The following THY1 variants were observed in gnomAD, a reference collection of about 807,000 sequenced individuals.
THY1 encodes thy-1 membrane glycoprotein.
A neutral mutation model predicts 14.9 loss-of-function variants in THY1; 10 were observed. The ratio of observed to expected loss-of-function variants is 0.67; its 90% CI spans 0.41 to 1.14. The LOEUF is 1.14. Ranked by LOEUF, THY1 falls within the 50% of genes most tolerant of loss-of-function variation. The pLI, the probability that THY1 is intolerant of heterozygous loss-of-function variation, is 0.00. For synonymous variants in THY1, 80 were observed against 90.0 expected, an observed-to-expected ratio of 0.89 and a Z score of 0.63; for missense variants, 159 against 202.1, an observed-to-expected ratio of 0.79 and a Z score of 1.29.
At chr11:119,419,541 C>A in intron 3 of THY1, 21 bp from the exon 4 acceptor site, 1 of 1,597,504 alleles carries the variant, frequency 6.3e-7, no homozygotes, top group South Asian at 1.1e-5. Flanking sequence ...AGAAGGGGGC[C>A]GGGGGCAGGG....
At chr11:119,424,234 T>C (rs1218876376), upstream of THY1, 1 of 152,220 alleles carries the variant, frequency 6.6e-6, no homozygotes, top group Non-Finnish European at 1.5e-5. Flanking sequence ...AACCCACCGA[T>C]TGGATGTCAC....
chr11:119,420,754 A>C (rs904651442), intron 2 of THY1, 115 bp downstream of exon 2: 5 of 1,320,590 alleles, frequency 3.8e-6, no homozygotes, highest in Admixed American at 2.0e-5. Flanking sequence ...TCAGGATGAA[A>C]AAGAGCCCTC....
chr11:119,420,816 G>A, intron 2 of THY1, 53 bp downstream of exon 2: 1 of 1,608,410 alleles, frequency 6.2e-7, no homozygotes, highest in Non-Finnish European at 8.5e-7. Context: ...TGCTTCTCTG[G>A]AGGGAAGGAA....
At position 119,422,921 on chromosome 11, in the gene THY1, T is replaced by C. The variant is rs1418397288; in HGVS notation, c.-25+192A>G. ...GCGCCTTCCCCGAAAGACATCAGGGTGCCACGCGGCCCCTGCCCTGCAGAA... is the reference window on the plus strand; with the variant it reads ...GCGCCTTCCCCGAAAGACATCAGGGCGCCACGCGGCCCCTGCCCTGCAGAA... On this transcript the variant is annotated intron_variant, in intron 1 of 3. Coordinates refer to ENST00000284240, the MANE Select transcript of THY1 (RefSeq NM_006288.5). The surrounding 1 kb of genome is among the most constrained non-coding windows in gnomAD (Gnocchi z 7.0). Among the ~76,000 whole-genome samples the C allele has an allele frequency of 6.6e-6, 1 of 152,140 alleles. No homozygotes were observed. The highest frequency in any genetic ancestry group is 2.4e-5 in the African/African-American group (1 of 41,438).
Position 119,420,519 on chromosome 11 carries a change from A to C in THY1, c.38-133T>G, listed in dbSNP as rs988529740. 14 of 851,158 alleles carry C rather than the reference A, an allele frequency of 1.6e-5. No individual in the cohort carries two copies. In the South Asian group the frequency reaches 2.2e-4, roughly 13 times the overall value. The allele number at this position is 851,158 out of a possible 1,614,324, so 52.7% of individuals were successfully genotyped here. A position where few individuals can be genotyped will look rare whatever the true frequency, so the allele number is the denominator to read the frequency against. On this transcript the variant is annotated intron_variant, in intron 2 of 3. Transcript: ENST00000284240. ...CTCTCTGAGTGCCTTTCCCCACCCCAGGGATCCCACTTCTCCTTTGCAGAC... is the reference window on the plus strand; with the variant it reads ...CTCTCTGAGTGCCTTTCCCCACCCCCGGGATCCCACTTCTCCTTTGCAGAC...
chr11:119,419,433 T>C lies in THY1; in HGVS notation c.461A>G (p.Gln154Arg). 3 of 1,613,786 alleles carry C rather than the reference T, an allele frequency of 1.9e-6. No homozygotes were observed. The highest frequency in any genetic ancestry group is 2.5e-6 in the Non-Finnish European group (3 of 1,179,942). ...LLLLLSLSLLQATDFMSL is the reference protein window; with the variant it reads ...LLLLLSLSLLRATDFMSL ...TCACAGGGACATGAAATCCGTGGCC[T>C]GGAGGAGGGAGAGGGAGAGCAGGAG... The change falls in exon 4 of 4, where the codon CAG becomes CGG. Residue 154 changes from glutamine to arginine, a missense_variant. Physicochemically the swap from Gln to Arg is conservative, Grantham distance 43. Coordinates refer to ENST00000284240, the MANE Select transcript of THY1 (RefSeq NM_006288.5).
chr11:119,420,109 T>G lies in THY1; in HGVS notation c.315A>C (p.Ala105=). ...GTGGGGAATGGCCAGAGTGGTGGAG[T>G]GCACACGTGTAGGTGCCCTCGTCCT... ...TSKDEGTYTC[A]LHHSGHSPPI... The change falls in exon 3 of 4, where the codon GCA becomes GCC. Residue 105 remains alanine (A), a synonymous_variant. Coordinates refer to ENST00000284240, the MANE Select transcript of THY1 (RefSeq NM_006288.5). 2 of 1,614,138 alleles carry G rather than the reference T, an allele frequency of 1.2e-6. No individual in the cohort carries two copies. Among genetic ancestry groups the G allele is most frequent in the Non-Finnish European group, 1.7e-6 (2 of 1,180,014 alleles).
chr11:119,423,704 C>G (rs79525057), upstream of THY1: 189 of 167,326 alleles, frequency 1.1e-3, no homozygotes, highest in African/African-American at 3.4e-3. Flanking sequence ...CCTTCGGAAG[C>G]GAGGCAGGTG....
intron 3 of THY1, 45 bp downstream of exon 3, chr11:119,420,006 C>A: frequency 1.3e-6 from 2 of 1,572,470 alleles, no homozygotes; most frequent in Non-Finnish European, 1.7e-6. Flanking sequence ...TGTCCCCGAG[C>A]CTGGCTCTCC....
rs1353475601 is a variant in THY1 at position 119,416,524 on chromosome 11, G to A, written c.*2884C>T. On this transcript the variant is annotated 3_prime_UTR_variant, in exon 4 of 4. Transcript: ENST00000284240. ...GAGTCTCACTCTATCTCCCAGGCTG[G>A]AGTGCAGTGGTGCAATCTTGGCTCA... Among the ~76,000 whole-genome samples the A allele has an allele frequency of 6.6e-6, 1 of 152,140 alleles. No individual in the cohort carries two copies. The highest frequency in any genetic ancestry group is 2.4e-5 in the African/African-American group (1 of 41,416).
rs1218229073 is a variant in THY1 at position 119,416,128 on chromosome 11, C to T, written c.*3280G>A. Among the ~76,000 whole-genome samples the T allele has an allele frequency of 6.6e-6, 1 of 152,164 alleles. No homozygotes were observed. On this transcript the variant is annotated 3_prime_UTR_variant, in exon 4 of 4. Coordinates refer to ENST00000284240, the MANE Select transcript of THY1 (RefSeq NM_006288.5). ...CTAGATGTCAGAGATGCAGACATTGCGCGTCTCAGTGGACAATCCAGTCCA... is the reference window on the plus strand; with the variant it reads ...CTAGATGTCAGAGATGCAGACATTGTGCGTCTCAGTGGACAATCCAGTCCA...
rs1861887726 is a variant in THY1, at chr11:119,420,911, T to G, written c.-6A>C. The G allele has an allele frequency of 1.2e-6, 2 of 1,614,136 alleles. No individual in the cohort carries two copies. Among genetic ancestry groups the G allele is most frequent in the East Asian group, 2.2e-5 (1 of 44,876 alleles). ...ATGCTGATGGCCAGGTTCATGGTTC[T>G]GGGATCTCAGTCCTGGATCTGGGGT... is the stretch of plus-strand genomic sequence containing the variant. On this transcript the variant is annotated 5_prime_UTR_variant, in exon 2 of 4. Transcript: ENST00000284240.
Position 119,415,691 on chromosome 11 carries a change from C to T in THY1, c.*3717G>A, listed in dbSNP as rs1861759476. Among the ~76,000 whole-genome samples, 1 of 152,172 alleles carries T rather than the reference C, an allele frequency of 6.6e-6. No individual in the cohort carries two copies. The highest frequency in any genetic ancestry group is 6.5e-5 in the Admixed American group (1 of 15,284). ...GTCTACATCTACAGGTCCCACTGAC[C>T]CCAGCTCTTCCTTGTGCCGGGCAAA... On this transcript the variant is annotated 3_prime_UTR_variant, in exon 4 of 4. Transcript: ENST00000284240.
upstream of THY1, chr11:119,423,275 C>T (rs973176378): frequency 7.0e-5 from 15 of 215,576 alleles, no homozygotes; most frequent in East Asian, 1.1e-3. Flanking sequence ...GGAGAAAGGA[C>T]GGCAGGGTGG....
upstream of THY1, chr11:119,423,554 T>C (rs192105717): frequency 8.8e-6 from 2 of 227,366 alleles, no homozygotes; most frequent in African/African-American, 4.7e-5. Flanking sequence ...AGGTGCAGGA[T>C]GCAGGCCGGG....
At chr11:119,423,324 TG>T, upstream of THY1, 1 of 390,588 alleles carries the variant, frequency 2.6e-6, no homozygotes, top group Non-Finnish European at 5.2e-6. Context: ...GGTCCCGCAT[TG>T]GTGTGAGAGT....
rs1178819858 is a variant in THY1, at chr11:119,419,289, G to A, written c.*119C>T. 11 of 905,674 alleles carry A rather than the reference G, an allele frequency of 1.2e-5. No individual in the cohort carries two copies. Among genetic ancestry groups the A allele is most frequent in the Non-Finnish European group, 2.0e-5 (11 of 558,628 alleles). The allele number at this position is 905,674 out of a possible 1,614,324, so 56.1% of individuals were successfully genotyped here. On this transcript the variant is annotated 3_prime_UTR_variant, in exon 4 of 4. Transcript: ENST00000284240. ...AGCACTGGAACTCCTGATGAGGGGT[G>A]GGGTCCCCACTTCTCCTCAAGGTTT... is the stretch of plus-strand genomic sequence containing the variant.
chr11:119,423,251 A>G (rs1168336578), upstream of THY1: 2 of 331,656 alleles, frequency 6.0e-6, no homozygotes, highest in Non-Finnish European at 6.2e-6. Flanking sequence ...AGCCAATCAG[A>G]GGCGGAGATT....
chr11:119,420,405 C>T lies in THY1; in HGVS notation c.38-19G>A, dbSNP rs754398351. The T allele has an allele frequency of 1.3e-6, 2 of 1,592,026 alleles. No individual in the cohort carries two copies. Among genetic ancestry groups the T allele is most frequent in the East Asian group, 2.2e-5 (1 of 44,740 alleles). ...TGCAAGACTGGCACCAGCAGTGCCT[C>T]CTTCAAACTGGAGGGGCCTGCGGCA... On this transcript the variant is annotated intron_variant, in intron 2 of 3. Transcript: ENST00000284240.
Sources: allele counts gnomAD v4.1 joint callset (sites outside exome capture counted in the v4.1 genomes callset), GRCh38; gene constraint gnomAD v4.1.1; non-coding constraint Gnocchi (gnomAD v3.1); transcripts MANE v1.5; gene names NCBI Gene and HGNC (gene_info 2026-07-23, HGNC 2026-07-21).